GRM5: variants seen among roughly 807,000 people sequenced by gnomAD.
The protein encoded by GRM5 is glutamate metabotropic receptor 5, also known as metabotropic glutamate receptor 5.
In GRM5, 19 loss-of-function variants were observed where a neutral mutation model predicts 83.1. The observed-to-expected ratio is 0.23, with a 90% CI of 0.16 to 0.34. The LOEUF (loss-of-function observed/expected upper bound fraction) is 0.34, where lower values mean the gene tolerates loss of function less well. GRM5 is among the 10% of genes least tolerant of loss of function. GRM5 has a pLI of 1.00. For synonymous variants in GRM5, 675 were observed against 633.6 expected (o/e 1.07, Z -0.98); for missense variants, 1,160 against 1,588.3 (o/e 0.73, Z 4.58).
At chr11:88,574,300 T>C (rs1943060956) in intron 7 of GRM5, among the ~76,000 whole-genome samples, 1 of 152,202 alleles carries the variant, frequency 6.6e-6, no homozygotes, top group African/African-American at 2.4e-5. Context: ...AACTTTTGCG[T>C]TGCCTTTAGA....
intron 2 of GRM5, among the ~76,000 whole-genome samples, chr11:88,949,269 G>A (rs1311186735): frequency 2.6e-5 from 4 of 152,154 alleles, no homozygotes; most frequent in Non-Finnish European, 2.9e-5. Flanking sequence ...CTTTATTGTT[G>A]TGCTCTTCTA....
At chr11:88,517,749 G>A (rs1328758703) in intron 9 of GRM5, among the ~76,000 whole-genome samples, 2 of 152,000 alleles carry the variant, frequency 1.3e-5, no homozygotes, top group African/African-American at 4.8e-5. Flanking sequence ...TTCCCATTTT[G>A]GCTTGGCATT....
chr11:88,517,127 GTACACACA>G (rs1941541614), intron 9 of GRM5, among the ~76,000 whole-genome samples: 1 of 91,282 alleles, frequency 1.1e-5, no homozygotes. Flanking sequence ...ATTGGCTTCT[GTACACACA>G]CACACACACA....
intron 3 of GRM5, among the ~76,000 whole-genome samples, chr11:88,742,279 G>T (rs780326760): frequency 6.6e-6 from 1 of 151,528 alleles, no homozygotes; most frequent in Non-Finnish European, 1.5e-5. Flanking sequence ...TATCTTATTT[G>T]CTCCTCAAAA....
chr11:88,744,288 C>T (rs965336740), intron 3 of GRM5, among the ~76,000 whole-genome samples: 1 of 152,120 alleles, frequency 6.6e-6, no homozygotes, highest in Non-Finnish European at 1.5e-5. Flanking sequence ...GGCCTAATAG[C>T]AATACATTAC....
intron 8 of GRM5, among the ~76,000 whole-genome samples, chr11:88,550,879 CTAG>C: frequency 6.6e-6 from 1 of 152,136 alleles, no homozygotes; most frequent in South Asian, 2.1e-4. Flanking sequence ...CTAATGGACT[CTAG>C]AGACAAACTG....
intron 7 of GRM5, among the ~76,000 whole-genome samples, chr11:88,579,487 G>T (rs1943182807): frequency 6.6e-6 from 1 of 152,180 alleles, no homozygotes; most frequent in Non-Finnish European, 1.5e-5. Context: ...TATGAGGGGG[G>T]TTAGTTTGTA....
intron 3 of GRM5, among the ~76,000 whole-genome samples, chr11:88,778,524 G>A (rs937460545): frequency 2.0e-5 from 3 of 152,118 alleles, no homozygotes; most frequent in African/African-American, 4.8e-5. Context: ...GAAATCACCC[G>A]TCTTCTGCAT....
intron 2 of GRM5, among the ~76,000 whole-genome samples, chr11:88,935,511 C>T (rs1237220117): frequency 6.6e-6 from 1 of 151,698 alleles, no homozygotes; most frequent in Non-Finnish European, 1.5e-5. Flanking sequence ...AAGGTAGTGC[C>T]CTAGTTAATA....
chr11:88,914,255 G>C (rs906865109), intron 2 of GRM5, among the ~76,000 whole-genome samples: 2 of 152,088 alleles, frequency 1.3e-5, no homozygotes, highest in East Asian at 1.9e-4. Context: ...TTCTATCTTT[G>C]AGACATCATG....
At chr11:88,678,398 A>T (rs922295583) in intron 3 of GRM5, among the ~76,000 whole-genome samples, 4 of 151,988 alleles carry the variant, frequency 2.6e-5, no homozygotes, top group Non-Finnish European at 5.9e-5. Context: ...CTTGAACTTC[A>T]CCTTATTTGT....
chr11:88,508,604 G>A lies in GRM5; in HGVS notation c.3627C>T (p.Ser1209=), dbSNP rs868559917. ...TLIIRDYTQS[S]SSL is the part of the protein sequence containing the mutation. ...TTTCCAGGGACATTCACAACGACGAGGAGCTCTGAGTGTAATCTCTTATGA... is the reference window on the plus strand; with the variant it reads ...TTTCCAGGGACATTCACAACGACGAAGAGCTCTGAGTGTAATCTCTTATGA... The change falls in exon 10 of 10, where the codon TCC becomes TCT. Residue 1209 remains serine (S), a synonymous_variant. Coordinates refer to ENST00000305447, the MANE Select transcript of GRM5 (RefSeq NM_001143831.3). The surrounding 1 kb of genome is among the most constrained non-coding windows in gnomAD (Gnocchi z 4.2). The A allele has an allele frequency of 3.7e-6, 6 of 1,608,336 alleles. No homozygotes were observed. In the Middle Eastern group the frequency reaches 6.6e-4, roughly 178 times the overall value.
At chr11:88,632,357 C>CA (rs1398479405) in intron 4 of GRM5, among the ~76,000 whole-genome samples, 1 of 151,580 alleles carries the variant, frequency 6.6e-6, no homozygotes, top group Non-Finnish European at 1.5e-5. Context: ...CTCAGACCCC[C>CA]AAGCACCTAG....
chr11:88,796,025 T>C (rs2135480103), intron 3 of GRM5, among the ~76,000 whole-genome samples: 1 of 152,338 alleles, frequency 6.6e-6, no homozygotes, highest in South Asian at 2.1e-4. Context: ...AACTAATTGG[T>C]TCAGAAAAGT....
chr11:88,604,864 C>T lies in GRM5; in HGVS notation c.1248G>A (p.Met416Ile), dbSNP rs750442341. The T allele has an allele frequency of 8.1e-6, 13 of 1,613,750 alleles. No homozygotes were observed. Among genetic ancestry groups the T allele is most frequent in the African/African-American group, 6.7e-5 (5 of 74,908 alleles). Reference protein sequence around the residue: ...SMAYGLHNMQMSLCPGYAGLC... With the variant: ...SMAYGLHNMQISLCPGYAGLC... Reference sequence around the variant, plus strand: ...GTCCTGCATAGCCTGGGCAGAGGGACATCTGCATGTTGTGGAGCCCATAGG... The same window carrying T: ...GTCCTGCATAGCCTGGGCAGAGGGATATCTGCATGTTGTGGAGCCCATAGG... Residue 416 changes from methionine to isoleucine, a missense_variant, in exon 5 of 10, where the codon ATG (methionine) becomes ATA (isoleucine). Physicochemically the swap from Met to Ile is conservative, Grantham distance 10 (BLOSUM62 1). Transcript: ENST00000305447.
rs533887092 is a variant in GRM5 at position 88,717,080 on chromosome 11, A to C, written c.912-63677T>G. On this transcript the variant is annotated intron_variant, in intron 3 of 9. Coordinates refer to ENST00000305447, the MANE Select transcript of GRM5 (RefSeq NM_001143831.3). ...TCATGTATGTCTATACCTTATTAGC[A>C]AAGCTAAGGAATGCAACTGTTTTCC... Among the ~76,000 whole-genome samples, 7 of 152,090 alleles carry C rather than the reference A, an allele frequency of 4.6e-5. No individual in the cohort carries two copies. The South Asian group carries it at 1.2e-3, about 27-fold the overall frequency.
intron 3 of GRM5, among the ~76,000 whole-genome samples, chr11:88,824,250 T>C (rs1055450003): frequency 1.1e-4 from 17 of 152,322 alleles, no homozygotes; most frequent in African/African-American, 4.1e-4. Context: ...TGATTGGCTT[T>C]TGTGGACTTC....
At chr11:88,570,571 A>ATATT (rs1405339448) in intron 7 of GRM5, among the ~76,000 whole-genome samples, 11 of 46,380 alleles carry the variant, frequency 2.4e-4, no homozygotes, top group African/African-American at 4.0e-4. Context: ...ATATATATAT[A>ATATT]TTTTTTTTTT....
At chr11:88,970,805 G>A (rs1203670883) in intron 2 of GRM5, among the ~76,000 whole-genome samples, 1 of 152,166 alleles carries the variant, frequency 6.6e-6, no homozygotes, top group East Asian at 1.9e-4. Context: ...TGGGAAGTGG[G>A]CAGTGGGCAG....
Sources: gnomAD v4.1 joint callset for allele counts (sites outside exome capture counted in the v4.1 genomes callset) on GRCh38, gnomAD v4.1.1 for gene constraint, Gnocchi (gnomAD v3.1) non-coding constraint, MANE v1.5 for transcripts, NCBI Gene and HGNC (gene_info 2026-07-23, HGNC 2026-07-21) for gene names.